SPAG16: variants seen among roughly 807,000 people sequenced by gnomAD.
The protein encoded by SPAG16 is sperm-associated antigen 16 protein.
A neutral mutation model predicts 80.4 loss-of-function variants in SPAG16; 86 were observed. That is an observed-to-expected ratio of 1.07 (90% CI 0.90 to 1.28). SPAG16 has a LOEUF of 1.28. Ranked by LOEUF, SPAG16 falls within the 50% of genes most tolerant of loss-of-function variation. SPAG16 has a pLI of 0.00. For synonymous variants in SPAG16, 294 were observed against 265.9 expected (o/e 1.11, Z -1.03); for missense variants, 870 against 765.3 (o/e 1.14, Z -1.61).
intron 10 of SPAG16, among the ~76,000 whole-genome samples, chr2:213,851,338 C>T (rs1333511932): frequency 1.3e-5 from 2 of 151,990 alleles, no homozygotes; most frequent in Non-Finnish European, 2.9e-5. Context: ...GATGAAACCC[C>T]ATCTCTACTA....
At chr2:213,841,679 T>A (rs566417974) in intron 10 of SPAG16, among the ~76,000 whole-genome samples, 5 of 152,282 alleles carry the variant, frequency 3.3e-5, no homozygotes, top group South Asian at 4.1e-4. Context: ...TAAGGACATA[T>A]TTGTAAGTAC....
At chr2:213,690,472 G>A (rs1232278795) in intron 10 of SPAG16, among the ~76,000 whole-genome samples, 6 of 152,170 alleles carry the variant, frequency 3.9e-5, no homozygotes, top group Non-Finnish European at 7.3e-5. Context: ...TGAGTATGAT[G>A]GTTAATATTA....
chr2:214,107,081 C>T lies in SPAG16; in HGVS notation c.1528-1115C>T, dbSNP rs1377306190. On this transcript the variant is annotated intron_variant, in intron 13 of 15. Coordinates refer to ENST00000331683, the MANE Select transcript of SPAG16 (RefSeq NM_024532.5). ...TTCAAACTTTATCTTCTGGGTGAAG[C>T]CAAACTGGATAACTCTACTTGATAA... 3.3e-5 allele frequency among the ~76,000 whole-genome samples: 5 copies of T among 152,174 alleles called. No homozygotes were observed. The East Asian group carries it at 9.7e-4, about 29-fold the overall frequency.
intron 10 of SPAG16, among the ~76,000 whole-genome samples, chr2:213,512,049 T>G (rs1183950179): frequency 6.6e-6 from 1 of 152,116 alleles, no homozygotes; most frequent in Non-Finnish European, 1.5e-5. Context: ...CAGATTATAT[T>G]TTAGCTTAAT....
At chr2:213,600,014 G>A (rs2061008947) in intron 10 of SPAG16, among the ~76,000 whole-genome samples, 1 of 152,104 alleles carries the variant, frequency 6.6e-6, no homozygotes, top group Non-Finnish European at 1.5e-5. Context: ...ATGAGTCAAA[G>A]GTTGTATGCA....
At chr2:213,451,464 A>G (rs1052318838) in intron 9 of SPAG16, among the ~76,000 whole-genome samples, 1 of 152,168 alleles carries the variant, frequency 6.6e-6, no homozygotes, top group African/African-American at 2.4e-5. Flanking sequence ...GATTCAACAT[A>G]TTCATACATG....
chr2:213,923,036 A>G (rs905915757), intron 11 of SPAG16, among the ~76,000 whole-genome samples: 5 of 152,076 alleles, frequency 3.3e-5, no homozygotes, highest in South Asian at 2.1e-4. Flanking sequence ...CCATCTGGCT[A>G]TGGGAGGCAG....
At chr2:213,314,144 C>T (rs569203045) in intron 4 of SPAG16, among the ~76,000 whole-genome samples, 17 of 151,974 alleles carry the variant, frequency 1.1e-4, no homozygotes, top group African/African-American at 3.9e-4. Context: ...TTTCTATGCA[C>T]TTTCTCCCTG....
intron 10 of SPAG16, among the ~76,000 whole-genome samples, chr2:213,492,277 G>A (rs890365792): frequency 5.3e-5 from 8 of 152,276 alleles, no homozygotes; most frequent in African/African-American, 1.9e-4. Context: ...CCAGTGGCCG[G>A]GTGTGGTGGC....
At chr2:213,400,852 G>A (rs1015986547) in intron 9 of SPAG16, among the ~76,000 whole-genome samples, 1 of 151,980 alleles carries the variant, frequency 6.6e-6, no homozygotes. Flanking sequence ...TGTCACCCAG[G>A]CTAGAGCTCA....
chr2:213,920,016 G>T (rs2078138564), intron 11 of SPAG16, among the ~76,000 whole-genome samples: 1 of 152,136 alleles, frequency 6.6e-6, no homozygotes, highest in African/African-American at 2.4e-5. Flanking sequence ...TCTTCTCATC[G>T]AATTGAAATC....
intron 9 of SPAG16, among the ~76,000 whole-genome samples, chr2:213,441,156 C>T (rs2070927965): frequency 6.6e-6 from 1 of 152,024 alleles, no homozygotes; most frequent in African/African-American, 2.4e-5. Context: ...AAATATGGGC[C>T]CATGAGTAGC....
At chr2:214,288,829 C>G (rs554595578) in intron 15 of SPAG16, among the ~76,000 whole-genome samples, 1 of 151,140 alleles carries the variant, frequency 6.6e-6, no homozygotes, top group Non-Finnish European at 1.5e-5. Context: ...AGTGCAGTGG[C>G]GCGATCTCAG....
intron 10 of SPAG16, among the ~76,000 whole-genome samples, chr2:213,788,773 G>C (rs4143570): frequency 0.31 from 47,660 of 151,668 alleles, 8,827 homozygotes; most frequent in East Asian, 0.56. Context: ...AAAGGAATAA[G>C]ACAACATCTA....
chr2:213,488,043 T>C (rs1224218400), intron 9 of SPAG16, among the ~76,000 whole-genome samples: 1 of 152,066 alleles, frequency 6.6e-6, no homozygotes, highest in Non-Finnish European at 1.5e-5. Flanking sequence ...AGATATAAAA[T>C]AGTATATATG....
At chr2:214,108,439 TCACACACACACACA>T (rs71037342) in intron 14 of SPAG16, among the ~76,000 whole-genome samples, 178 bp downstream of exon 14, 18 of 125,008 alleles carry the variant, frequency 1.4e-4, no homozygotes, top group South Asian at 2.7e-4. Context: ...ATTTTAAAAT[TCACACACACACACA>T]CACACACACA....
rs187367006 is a variant in SPAG16, at chr2:214,004,624, G to A, written c.1401-9327G>A. The stretch of plus-strand genomic sequence containing the variant: ...TTCTTTTGGCAGCCCTAAAAAAGGT[G>A]TCCGCGGCTTATCATCAGGTGTGGG... On this transcript the variant is annotated intron_variant, in intron 12 of 15. Coordinates refer to ENST00000331683, the MANE Select transcript of SPAG16 (RefSeq NM_024532.5). Among the ~76,000 whole-genome samples the A allele has an allele frequency of 7.0e-4, 106 of 152,072 alleles. 1 individual carries two copies. Among genetic ancestry groups the A allele is most frequent in the African/African-American group, 2.5e-3 (103 of 41,504 alleles).
chr2:214,108,411 G>C, intron 14 of SPAG16, 150 bp downstream of exon 14: 2 of 430,252 alleles, frequency 4.6e-6, no homozygotes, highest in Non-Finnish European at 4.2e-6. Context: ...AAAGTCTATA[G>C]GTATATAGGG....
chr2:213,945,918 A>T (rs192705509), intron 12 of SPAG16, among the ~76,000 whole-genome samples: 2 of 152,176 alleles, frequency 1.3e-5, no homozygotes, highest in African/African-American at 4.8e-5. Context: ...CGAACAATAC[A>T]CCTTCTTTTT....
Sources: allele counts gnomAD v4.1 joint callset (sites outside exome capture counted in the v4.1 genomes callset), GRCh38; gene constraint gnomAD v4.1.1; transcripts MANE v1.5; gene names NCBI Gene and HGNC (gene_info 2026-07-23, HGNC 2026-07-21).